The following TAS2R1 variants were observed in gnomAD, a reference collection of about 807,000 sequenced individuals.
The protein encoded by TAS2R1 is taste receptor type 2 member 1.
For synonymous variants in TAS2R1, 141 were observed against 134.2 expected (o/e 1.05, Z -0.35); for missense variants, 370 against 353.4 (o/e 1.05, Z -0.38).
the TAS2R1 span, among the ~76,000 whole-genome samples, chr5:9,823,356 T>G: frequency 6.6e-6 from 1 of 152,108 alleles, no homozygotes; most frequent in South Asian, 2.1e-4. Flanking sequence ...CCTACAGATA[T>G]GCTGAATATC....
chr5:9,848,846 T>C, the TAS2R1 span, among the ~76,000 whole-genome samples: 1 of 152,226 alleles, frequency 6.6e-6, no homozygotes, highest in East Asian at 1.9e-4. Context: ...AATTGGTGTT[T>C]GTGTTTTTGC....
At chr5:9,639,002 C>A (rs1380737606) in intron 2 of TAS2R1, among the ~76,000 whole-genome samples, 2 of 152,172 alleles carry the variant, frequency 1.3e-5, no homozygotes, top group East Asian at 1.9e-4. Context: ...ACCATGCGCA[C>A]CCCACTGGGA....
rs144861272 is a variant in TAS2R1, at chr5:9,648,019, G to A, written c.-81+11402C>T. On this transcript the variant is annotated intron_variant, in intron 2 of 2. Transcript: ENST00000506620. The stretch of plus-strand genomic sequence containing the variant: ...AAGAATTCACATAACCATGAAAAAA[G>A]TACTTTTGGCCATAAAACAGGATGA... Among the ~76,000 whole-genome samples, 15 of 152,166 alleles carry A rather than the reference G, an allele frequency of 9.9e-5. No homozygotes were observed. The East Asian group carries it at 2.5e-3, about 26-fold the overall frequency.
chr5:9,788,636 A>C, the TAS2R1 span, among the ~76,000 whole-genome samples: 3 of 152,182 alleles, frequency 2.0e-5, no homozygotes, highest in Non-Finnish European at 4.4e-5. Context: ...ACAAAGAAAC[A>C]AGAAAATATA....
chr5:9,882,918 A>G, the TAS2R1 span, among the ~76,000 whole-genome samples: 4 of 152,364 alleles, frequency 2.6e-5, no homozygotes, highest in East Asian at 7.7e-4. Context: ...AAAAAGACAC[A>G]TGCATGCATA....
chr5:9,640,320 G>C (rs573576594), intron 2 of TAS2R1, among the ~76,000 whole-genome samples: 1 of 151,480 alleles, frequency 6.6e-6, no homozygotes, highest in African/African-American at 2.4e-5. Flanking sequence ...ATTACAATAG[G>C]AACATCAAAG....
At chr5:9,741,170 G>A in the TAS2R1 span, among the ~76,000 whole-genome samples, 2 of 152,104 alleles carry the variant, frequency 1.3e-5, no homozygotes, top group African/African-American at 4.8e-5. Flanking sequence ...CTTACGTGAA[G>A]TCCCGGAGGT....
the TAS2R1 span, among the ~76,000 whole-genome samples, chr5:9,764,202 G>T: frequency 6.6e-6 from 1 of 152,178 alleles, no homozygotes; most frequent in Non-Finnish European, 1.5e-5. Flanking sequence ...CCCTAATTCT[G>T]GGAAAGGTTA....
chr5:9,842,277 G>C, the TAS2R1 span, among the ~76,000 whole-genome samples: 1 of 150,656 alleles, frequency 6.6e-6, no homozygotes, highest in African/African-American at 2.4e-5. Flanking sequence ...CTCCAGGGAA[G>C]GTTCAACCTA....
intron 2 of TAS2R1, among the ~76,000 whole-genome samples, chr5:9,655,011 C>CA (rs897516758): frequency 2.6e-5 from 4 of 151,806 alleles, no homozygotes; most frequent in Admixed American, 1.3e-4. Context: ...ATGGGTGAAA[C>CA]AAAAAAACAC....
the TAS2R1 span, among the ~76,000 whole-genome samples, chr5:9,733,010 C>G: frequency 6.6e-6 from 1 of 152,222 alleles, no homozygotes; most frequent in African/African-American, 2.4e-5. Flanking sequence ...CCTTTACTTA[C>G]AGTCACCTGA....
chr5:9,899,005 G>C, the TAS2R1 span, among the ~76,000 whole-genome samples: 4 of 152,192 alleles, frequency 2.6e-5, no homozygotes, highest in Non-Finnish European at 5.9e-5. Flanking sequence ...TCTTTAAAAT[G>C]CTAACCGTGC....
At chr5:9,799,896 C>T in the TAS2R1 span, among the ~76,000 whole-genome samples, 5 of 152,098 alleles carry the variant, frequency 3.3e-5, no homozygotes, top group Admixed American at 6.5e-5. Flanking sequence ...TCAGTGGAAA[C>T]GTTTTTCGTA....
chr5:9,775,873 A>T, the TAS2R1 span, among the ~76,000 whole-genome samples: 54 of 152,300 alleles, frequency 3.5e-4, no homozygotes, highest in African/African-American at 1.2e-3. Context: ...ATAAATAAAA[A>T]GGAATCTCTC....
the TAS2R1 span, among the ~76,000 whole-genome samples, chr5:9,836,073 G>A: frequency 1.6e-4 from 25 of 152,104 alleles, no homozygotes; most frequent in African/African-American, 4.1e-4. Flanking sequence ...TGCTGTTCTC[G>A]TGATAGCAAA....
intron 1 of TAS2R1, among the ~76,000 whole-genome samples, chr5:9,676,774 A>T (rs534234140): frequency 6.6e-6 from 1 of 152,208 alleles, no homozygotes; most frequent in African/African-American, 2.4e-5. Flanking sequence ...ATTAAAATTT[A>T]AAATATTGGC....
At chr5:9,799,193 G>GC in the TAS2R1 span, among the ~76,000 whole-genome samples, 4 of 152,186 alleles carry the variant, frequency 2.6e-5, no homozygotes, top group Non-Finnish European at 1.5e-5. Context: ...CATTAAAACT[G>GC]CAACAACAAA....
At chr5:9,873,673 C>T in the TAS2R1 span, among the ~76,000 whole-genome samples, 1,212 of 151,732 alleles carry the variant, frequency 8.0e-3, 18 homozygotes, top group African/African-American at 0.028. Context: ...TCAAGACCAG[C>T]CTGGGCAACA....
the TAS2R1 span, among the ~76,000 whole-genome samples, chr5:9,866,121 T>C: frequency 6.6e-6 from 1 of 152,206 alleles, no homozygotes; most frequent in African/African-American, 2.4e-5. Context: ...TCTCTGGACA[T>C]ATTCTACAGA....
Sources: gnomAD v4.1 joint callset for allele counts (sites outside exome capture counted in the v4.1 genomes callset) on GRCh38, gnomAD v4.1.1 for gene constraint, MANE v1.5 for transcripts, NCBI Gene and HGNC (gene_info 2026-07-23, HGNC 2026-07-21) for gene names.